The following VSTM2L variants were observed in gnomAD, a reference collection of about 807,000 sequenced individuals.
The protein encoded by VSTM2L is V-set and transmembrane domain-containing protein 2-like protein.
Under a neutral mutation model 19.9 loss-of-function variants are expected in VSTM2L, and 9 were observed. The observed-to-expected ratio is 0.45, with a 90% confidence interval of 0.27 to 0.79. The LOEUF is 0.79. Ranked by LOEUF, VSTM2L falls within the 30% of genes least tolerant of loss-of-function variation. The pLI is 0.15. For synonymous variants in VSTM2L, 127 were observed against 133.8 expected (o/e 0.95, Z 0.35); for missense variants, 286 against 295.5 (o/e 0.97, Z 0.24).
At chr20:37,930,832 C>G (rs12480674) in intron 1 of VSTM2L, among the ~76,000 whole-genome samples, 27,484 of 152,050 alleles carry the variant, frequency 0.18, 2,970 homozygotes, top group Middle Eastern at 0.31. Flanking sequence ...ATCCGCCGAG[C>G]AGCTGCTCTG....
intron 1 of VSTM2L, 99 bp downstream of exon 1, chr20:37,903,570 C>A (rs779154050): frequency 1.9e-5 from 25 of 1,310,952 alleles, no homozygotes; most frequent in East Asian, 3.2e-5. Context: ...CGGCGCCAGT[C>A]GTGGCGGGCA....
At chr20:37,927,431 T>G (rs2072884793) in intron 1 of VSTM2L, among the ~76,000 whole-genome samples, 1 of 152,206 alleles carries the variant, frequency 6.6e-6, no homozygotes, top group Non-Finnish European at 1.5e-5. Flanking sequence ...GCTTGCATTC[T>G]GTTTCTGTTG....
intron 1 of VSTM2L, among the ~76,000 whole-genome samples, chr20:37,922,183 T>C (rs916763482): frequency 5.3e-5 from 8 of 152,150 alleles, no homozygotes; most frequent in African/African-American, 1.9e-4. Context: ...GCCTGTTCAA[T>C]AGCAACTCCC....
At chr20:37,932,464 G>A (rs1357651875) in intron 2 of VSTM2L, among the ~76,000 whole-genome samples, 1 of 152,058 alleles carries the variant, frequency 6.6e-6, no homozygotes, top group Non-Finnish European at 1.5e-5. Flanking sequence ...AGCAGGAGGA[G>A]CAGGGGACTC....
intron 1 of VSTM2L, among the ~76,000 whole-genome samples, chr20:37,914,392 G>GCGTA (rs2072801344): frequency 6.8e-6 from 1 of 147,140 alleles, no homozygotes. Context: ...ATGTGTGGGT[G>GCGTA]TGTGTATGTA....
chr20:37,932,244 G>C (rs571559317), intron 2 of VSTM2L, among the ~76,000 whole-genome samples: 9 of 152,104 alleles, frequency 5.9e-5, no homozygotes, highest in Non-Finnish European at 1.3e-4. Flanking sequence ...ACACGCATAC[G>C]TGCACCAGGC....
chr20:37,941,895 C>CTT (rs35678873), intron 3 of VSTM2L, among the ~76,000 whole-genome samples: 52 of 140,106 alleles, frequency 3.7e-4, no homozygotes, highest in Non-Finnish European at 4.8e-4. Flanking sequence ...GGCCCAACTC[C>CTT]TTTTTTTTTT....
At chr20:37,930,093 T>A (rs2072900182) in intron 1 of VSTM2L, among the ~76,000 whole-genome samples, 1 of 152,216 alleles carries the variant, frequency 6.6e-6, no homozygotes, top group South Asian at 2.1e-4. Context: ...GGAGCCTCCA[T>A]GAGCTGCTTT....
chr20:37,914,267 G>A (rs572381687), intron 1 of VSTM2L, among the ~76,000 whole-genome samples: 1 of 150,322 alleles, frequency 6.7e-6, no homozygotes, highest in Admixed American at 6.7e-5. Context: ...CTGTGTATGT[G>A]TGGTGTCTGT....
Position 37,944,457 on chromosome 20 carries a change from A to G in VSTM2L, c.*204A>G, listed in dbSNP as rs2122985346. 1.6e-6 allele frequency: 1 copy of G among 645,028 alleles called. No individual in the cohort carries two copies. Among genetic ancestry groups the G allele is most frequent in the Non-Finnish European group, 2.2e-6 (1 of 450,034 alleles). The allele number at this position is 645,028 out of a possible 1,614,324, so 40.0% of individuals were successfully genotyped here. ...CCTGCCCTTTCAGACCCCTGCGGTG[A>G]CCTGGCTCGGAGAAGGTGGCCCTGG... On this transcript the variant is annotated 3_prime_UTR_variant, in exon 4 of 4. Transcript: ENST00000373461.
chr20:37,937,371 T>G (rs2072946699), intron 3 of VSTM2L, among the ~76,000 whole-genome samples: 2 of 152,170 alleles, frequency 1.3e-5, no homozygotes, highest in Admixed American at 6.5e-5. Flanking sequence ...AATATCTCCC[T>G]TGGTAGCTTG....
At chr20:37,931,906 C>A in intron 2 of VSTM2L, 102 bp downstream of exon 2, 1 of 1,306,950 alleles carries the variant, frequency 7.7e-7, no homozygotes, top group Admixed American at 2.3e-5. Context: ...ATATGGGCTC[C>A]AACGCTGTTC....
Position 37,944,907 on chromosome 20 carries a change from C to G in VSTM2L, c.*654C>G. Reference sequence around the variant, plus strand: ...ATGCAGGGGATCCAGGATTCTCTGCCCTGTCACACGGCGAGTCAGAAGGGA... The same window carrying G: ...ATGCAGGGGATCCAGGATTCTCTGCGCTGTCACACGGCGAGTCAGAAGGGA... On this transcript the variant is annotated 3_prime_UTR_variant, in exon 4 of 4. Coordinates refer to ENST00000373461, the MANE Select transcript of VSTM2L (RefSeq NM_080607.3). 3 of 985,838 alleles carry G rather than the reference C, an allele frequency of 3.0e-6. No individual in the cohort carries two copies. Among genetic ancestry groups the G allele is most frequent in the Non-Finnish European group, 3.6e-6 (3 of 829,980 alleles). 61.1% of individuals were successfully genotyped at this position (985,838 alleles called of 1,614,324 possible).
chr20:37,922,274 G>A (rs1199472312), intron 1 of VSTM2L, among the ~76,000 whole-genome samples: 1 of 151,980 alleles, frequency 6.6e-6, no homozygotes, highest in African/African-American at 2.4e-5. Context: ...TTGTCTTTCT[G>A]TGACTGGCCT....
chr20:37,903,643 G>T (rs1442442856), intron 1 of VSTM2L, among the ~76,000 whole-genome samples, 172 bp downstream of exon 1: 1 of 152,148 alleles, frequency 6.6e-6, no homozygotes, highest in Non-Finnish European at 1.5e-5. Context: ...GCAGAGAAGG[G>T]GGCACCCGGG....
chr20:37,930,822 A>C (rs539583256), intron 1 of VSTM2L, among the ~76,000 whole-genome samples: 2 of 152,226 alleles, frequency 1.3e-5, no homozygotes, highest in East Asian at 1.9e-4. Flanking sequence ...TACCCATTCC[A>C]TCCGCCGAGC....
At chr20:37,915,325 T>A (rs923726357) in intron 1 of VSTM2L, among the ~76,000 whole-genome samples, 4 of 152,062 alleles carry the variant, frequency 2.6e-5, no homozygotes, top group African/African-American at 9.7e-5. Flanking sequence ...CCTGTGAAAT[T>A]CCCTCCCAGG....
At chr20:37,919,584 C>T (rs1378109720) in intron 1 of VSTM2L, among the ~76,000 whole-genome samples, 1 of 152,226 alleles carries the variant, frequency 6.6e-6, no homozygotes, top group Non-Finnish European at 1.5e-5. Flanking sequence ...CAGCCCTTTC[C>T]CCGGGAGAGC....
chr20:37,911,672 GA>G (rs1370158741), intron 1 of VSTM2L, among the ~76,000 whole-genome samples: 1 of 152,032 alleles, frequency 6.6e-6, no homozygotes, highest in Non-Finnish European at 1.5e-5. Context: ...AGGATGGGGA[GA>G]GGGGCTGGGG....
Sources: allele counts gnomAD v4.1 joint callset (sites outside exome capture counted in the v4.1 genomes callset), GRCh38; gene constraint gnomAD v4.1.1; transcripts MANE v1.5; gene names NCBI Gene and HGNC (gene_info 2026-07-23, HGNC 2026-07-21).